Variants in RUNDC3B observed in about 807,000 individuals in gnomAD.
RUNDC3B encodes RUN domain-containing protein 3B.
Under a neutral mutation model 58.4 loss-of-function variants are expected in RUNDC3B, and 33 were observed. That is an observed-to-expected ratio of 0.56 (90% CI 0.43 to 0.75). The LOEUF is 0.75. Among genes scored for constraint, RUNDC3B ranks in the 30% least tolerant of loss-of-function variants. RUNDC3B has a pLI of 0.00. For synonymous variants in RUNDC3B, 193 were observed against 195.2 expected, an observed-to-expected ratio of 0.99 and a Z score of 0.10; for missense variants, 501 against 535.7, an observed-to-expected ratio of 0.94 and a Z score of 0.64.
At chr7:87,684,528 C>G (rs1022807306) in intron 2 of RUNDC3B, among the ~76,000 whole-genome samples, 1 of 151,884 alleles carries the variant, frequency 6.6e-6, no homozygotes, top group South Asian at 2.1e-4. Flanking sequence ...GCAGGCGGAT[C>G]ATGAGGTCAA....
chr7:87,668,668 A>T (rs1004080188), intron 2 of RUNDC3B, among the ~76,000 whole-genome samples: 1 of 151,944 alleles, frequency 6.6e-6, no homozygotes, highest in African/African-American at 2.4e-5. Flanking sequence ...AGATTCTGGT[A>T]TGTTGTATTT....
rs140463336 is a variant in RUNDC3B, at chr7:87,747,717, G to C, written c.629+6138G>C. Among the ~76,000 whole-genome samples the C allele has an allele frequency of 3.8e-3, 583 of 152,222 alleles. 6 individuals carry two copies. The highest frequency in any genetic ancestry group is 0.013 in the African/African-American group (557 of 41,530). ...GTCACTGGAGTTGTGTACCTAGGAG[G>C]ATTATGGCTGCCTCTGCTGAGACCT... On this transcript the variant is annotated intron_variant, in intron 6 of 10. Coordinates refer to ENST00000394654, the MANE Select transcript of RUNDC3B (RefSeq NM_001134405.2).
At chr7:87,646,283 C>G (rs1330287220) in intron 1 of RUNDC3B, among the ~76,000 whole-genome samples, 1 of 152,040 alleles carries the variant, frequency 6.6e-6, no homozygotes, top group Non-Finnish European at 1.5e-5. Context: ...ATAGCCATGG[C>G]TTTTTCTTCC....
chr7:87,726,430 T>C (rs1309253505), intron 4 of RUNDC3B, among the ~76,000 whole-genome samples: 2 of 152,204 alleles, frequency 1.3e-5, no homozygotes, highest in African/African-American at 4.8e-5. Context: ...CTGAGGGCTC[T>C]GTTCTGTTCC....
chr7:87,639,369 G>A (rs922682892), intron 1 of RUNDC3B, among the ~76,000 whole-genome samples: 1 of 152,074 alleles, frequency 6.6e-6, no homozygotes, highest in Non-Finnish European at 1.5e-5. Flanking sequence ...TGTGTATTCT[G>A]TCATTGTTGA....
chr7:87,794,494 C>A (rs1008685810), intron 8 of RUNDC3B, among the ~76,000 whole-genome samples: 1 of 151,456 alleles, frequency 6.6e-6, no homozygotes, highest in Non-Finnish European at 1.5e-5. Context: ...AAGAGGACAC[C>A]AAAAAATAGA....
chr7:87,650,754 C>T (rs1343594095), intron 1 of RUNDC3B, 68 bp from the exon 2 acceptor site: 1 of 906,458 alleles, frequency 1.1e-6, no homozygotes, highest in Non-Finnish European at 1.8e-6. Flanking sequence ...TTGCCTTCCT[C>T]CCATTTTTTT....
chr7:87,637,835 T>C (rs929670918), intron 1 of RUNDC3B, among the ~76,000 whole-genome samples: 2 of 152,026 alleles, frequency 1.3e-5, no homozygotes, highest in Non-Finnish European at 2.9e-5. Context: ...TTTTTCTGAG[T>C]GCACAGTCAT....
At chr7:87,775,514 TTAG>T (rs2130878928) in intron 7 of RUNDC3B, among the ~76,000 whole-genome samples, 1 of 152,230 alleles carries the variant, frequency 6.6e-6, no homozygotes, top group East Asian at 1.9e-4. Flanking sequence ...AAAAATAAAT[TTAG>T]TATAGCCTAG....
At chr7:87,714,831 A>G (rs1261910176) in intron 4 of RUNDC3B, among the ~76,000 whole-genome samples, 1 of 151,900 alleles carries the variant, frequency 6.6e-6, no homozygotes, top group Non-Finnish European at 1.5e-5. Context: ...TCCTAGAGCT[A>G]TGAACATCTG....
chr7:87,691,492 G>A (rs923558855), intron 2 of RUNDC3B, among the ~76,000 whole-genome samples: 1 of 152,050 alleles, frequency 6.6e-6, no homozygotes, highest in East Asian at 1.9e-4. Flanking sequence ...AAGCTACATA[G>A]TGTTAAATAC....
At chr7:87,796,061 C>G (rs190941670) in intron 8 of RUNDC3B, among the ~76,000 whole-genome samples, 8 of 152,068 alleles carry the variant, frequency 5.3e-5, no homozygotes, top group East Asian at 3.8e-4. Flanking sequence ...ACCTAAGTGC[C>G]CATACACAGA....
chr7:87,804,763 A>G (rs1328349871), intron 8 of RUNDC3B, among the ~76,000 whole-genome samples: 1 of 152,212 alleles, frequency 6.6e-6, no homozygotes, highest in Non-Finnish European at 1.5e-5. Context: ...TAGCATTTTA[A>G]TTAAAGTCAA....
At chr7:87,714,956 C>G (rs1026585391) in intron 4 of RUNDC3B, among the ~76,000 whole-genome samples, 1 of 151,936 alleles carries the variant, frequency 6.6e-6, no homozygotes, top group Non-Finnish European at 1.5e-5. Flanking sequence ...GGCAGTCCAA[C>G]CTGGCATTGT....
chr7:87,812,769 G>A (rs1836796327), intron 9 of RUNDC3B, among the ~76,000 whole-genome samples: 1 of 152,142 alleles, frequency 6.6e-6, no homozygotes, highest in Non-Finnish European at 1.5e-5. Context: ...GAAAGTAATA[G>A]CTGTTAATTG....
chr7:87,793,991 G>C (rs949078510), intron 8 of RUNDC3B, among the ~76,000 whole-genome samples: 2 of 152,046 alleles, frequency 1.3e-5, no homozygotes, highest in African/African-American at 4.8e-5. Context: ...AAAGTTGCAG[G>C]ATACAAAATC....
chr7:87,657,894 C>T (rs1824275724), intron 2 of RUNDC3B, among the ~76,000 whole-genome samples: 1 of 152,046 alleles, frequency 6.6e-6, no homozygotes, highest in South Asian at 2.1e-4. Context: ...GAAGCAATGC[C>T]CCCCTCCCAC....
chr7:87,779,042 C>G (rs1834798836), intron 8 of RUNDC3B, among the ~76,000 whole-genome samples: 1 of 152,034 alleles, frequency 6.6e-6, no homozygotes, highest in South Asian at 2.1e-4. Context: ...ATTTTTTAAC[C>G]ACTTGAGAGG....
chr7:87,713,148 A>G (rs756192924), intron 4 of RUNDC3B: 3 of 152,194 alleles, frequency 2.0e-5, no homozygotes, highest in Non-Finnish European at 4.4e-5. Context: ...TAGAAAGAGT[A>G]TTTGTACCTT....
Sources: allele counts gnomAD v4.1 joint callset (sites outside exome capture counted in the v4.1 genomes callset), GRCh38; gene constraint gnomAD v4.1.1; transcripts MANE v1.5; gene names NCBI Gene and HGNC (gene_info 2026-07-23, HGNC 2026-07-21).